Variants in DRC7 observed in about 807,000 individuals in gnomAD.
The protein encoded by DRC7 is dynein regulatory complex subunit 7.
In DRC7, 80 loss-of-function variants were observed where a neutral mutation model predicts 104.4. The observed-to-expected ratio is 0.77, with a 90% CI of 0.64 to 0.92. The LOEUF is 0.92. DRC7 is among the 40% of genes least tolerant of loss of function. DRC7 has a pLI of 0.00. For missense variants in DRC7, 1,034 were observed against 1,141.1 expected (o/e 0.91, Z 1.35); for synonymous variants, 405 against 447.3 (o/e 0.91, Z 1.19).
intron 7 of DRC7, among the ~76,000 whole-genome samples, chr16:57,706,468 ATCCTCCCATCCATCCG>A (rs2048729528): frequency 2.6e-5 from 3 of 117,518 alleles, no homozygotes; most frequent in Admixed American, 8.8e-5. Context: ...CCATCCATCC[ATCCTCCCATCCATCCG>A]TCCTCTCATC....
intron 1 of DRC7, among the ~76,000 whole-genome samples, chr16:57,695,814 G>C (rs2048587152): frequency 6.6e-6 from 1 of 152,224 alleles, no homozygotes; most frequent in Non-Finnish European, 1.5e-5. Flanking sequence ...GTGACCCAAG[G>C]GTCCAGCAGG....
intron 11 of DRC7, 48 bp from the exon 12 acceptor site, chr16:57,722,954 G>A: frequency 6.2e-7 from 1 of 1,613,410 alleles, no homozygotes; most frequent in Admixed American, 1.7e-5. Context: ...GGGGGTTGAA[G>A]GCTAGGGGAG....
chr16:57,701,956 G>A lies in DRC7; in HGVS notation c.525G>A (p.Ser175=), dbSNP rs116262472. The A allele has an allele frequency of 3.3e-4, 534 of 1,614,034 alleles. 2 individuals are homozygous for A. The Middle Eastern group carries it at 5.3e-3, about 16-fold the overall frequency. ...PLKPPSHLYS[S]TTVLKYQKGN... is the part of the protein sequence containing the mutation. ...ACCAGCCCTCGCACCTGTACTCCTC[G>A]ACCACTGTGCTCAAGTACCAGAAGG... is the stretch of plus-strand genomic sequence containing the variant. The change falls in exon 6 of 19, where the codon TCG becomes TCA. Residue 175 remains serine, a synonymous_variant. Transcript: ENST00000360716.
chr16:57,703,032 T>A (rs56054101), intron 6 of DRC7, among the ~76,000 whole-genome samples: 24,866 of 151,168 alleles, frequency 0.16, 2,143 homozygotes, highest in East Asian at 0.28. Context: ...TACAGGCGAG[T>A]ACCACCACGG....
chr16:57,726,038 G>C (rs1597811706), intron 13 of DRC7, 30 bp from the exon 14 acceptor site: 2 of 1,590,832 alleles, frequency 1.3e-6, no homozygotes, highest in African/African-American at 1.3e-5. Context: ...CTCATCCTTT[G>C]CTCATCCTTT....
intron 1 of DRC7, among the ~76,000 whole-genome samples, chr16:57,695,796 C>T (rs78115055): frequency 1.3e-5 from 2 of 152,194 alleles, no homozygotes; most frequent in Non-Finnish European, 2.9e-5. Flanking sequence ...CACAGAAAGG[C>T]GCAGACAGTG....
At chr16:57,706,134 TCCCATCTTCCCATCCA>T (rs1167056085) in intron 7 of DRC7, among the ~76,000 whole-genome samples, 22 of 125,652 alleles carry the variant, frequency 1.8e-4, no homozygotes, top group African/African-American at 3.4e-4. Context: ...CCATCCATTC[TCCCATCTTCCCATCCA>T]CCCATCTTCC....
chr16:57,724,008 T>C (rs1314017142), intron 12 of DRC7, among the ~76,000 whole-genome samples: 2 of 151,950 alleles, frequency 1.3e-5, no homozygotes, highest in African/African-American at 4.8e-5. Context: ...TTGGGCAAAA[T>C]ATTGATAATG....
Position 57,700,264 on chromosome 16 carries a change from C to G in DRC7, c.498C>G (p.Leu166=). Residue 166 remains leucine, a synonymous_variant, in exon 5 of 19, where the codon CTC becomes CTG. Coordinates refer to ENST00000360716, the MANE Select transcript of DRC7 (RefSeq NM_001289162.2). Reference sequence around the variant, plus strand: ...CCATGGTGCCCCTGCCTGACCCTCTCAAGCCGGTAAGCACCACTCACAGGC... The same window carrying G: ...CCATGGTGCCCCTGCCTGACCCTCTGAAGCCGGTAAGCACCACTCACAGGC... The part of the protein sequence containing the change: ...FLTMVPLPDP[L]KPPSHLYSST... 1 of 1,610,620 alleles carries G rather than the reference C, an allele frequency of 6.2e-7. No individual in the cohort carries two copies. Among genetic ancestry groups the G allele is most frequent in the Non-Finnish European group, 8.5e-7 (1 of 1,178,764 alleles).
chr16:57,705,260 A>T (rs2048700282), intron 7 of DRC7, among the ~76,000 whole-genome samples: 1 of 152,034 alleles, frequency 6.6e-6, no homozygotes, highest in South Asian at 2.1e-4. Context: ...TGCCTGGGGC[A>T]GCCCATTCTA....
In DRC7 at chr16:57,731,278, G is replaced by A. The variant is rs751083777; in HGVS notation, c.*20G>A. On this transcript the variant is annotated 3_prime_UTR_variant, in exon 19 of 19. Coordinates refer to ENST00000360716, the MANE Select transcript of DRC7 (RefSeq NM_001289162.2). ...GCTTGATGTCCCTCCTGGGGCCTCA[G>A]CCAGAGCTGCCAGAGAAAGGAAACC... is the stretch of plus-strand genomic sequence containing the variant. The A allele has an allele frequency of 3.2e-6, 5 of 1,583,252 alleles. No homozygotes were observed. Among genetic ancestry groups the A allele is most frequent in the Admixed American group, 1.7e-5 (1 of 59,802 alleles).
At chr16:57,702,188 C>T (rs2048667507) in intron 6 of DRC7, 58 bp downstream of exon 6, 23 of 1,574,298 alleles carry the variant, frequency 1.5e-5, no homozygotes, top group African/African-American at 5.4e-5. Flanking sequence ...CCGGTGCTGT[C>T]GTGCCATCCT....
At position 57,726,155 on chromosome 16, in the gene DRC7, A is replaced by C. The variant is rs1170895453; in HGVS notation, c.1846A>C (p.Ile616Leu). 2 of 1,613,014 alleles carry C rather than the reference A, an allele frequency of 1.2e-6. No homozygotes were observed. ...ERVFLVAEER[I>L]QLRYHCREDH... The stretch of plus-strand genomic sequence containing the variant: ...CGTGTTTCTGGTCGCGGAGGAGCGC[A>C]TCCAGCTGCGCTACCACTGCCGTGA... The change falls in exon 14 of 19, where the codon ATC becomes CTC. Residue 616 changes from isoleucine (I) to leucine (L), a missense_variant. Coordinates refer to ENST00000360716, the MANE Select transcript of DRC7 (RefSeq NM_001289162.2).
chr16:57,706,215 CCCAT>C (rs1469953911), intron 7 of DRC7, among the ~76,000 whole-genome samples: 3 of 144,656 alleles, frequency 2.1e-5, no homozygotes, highest in Admixed American at 2.1e-4. Flanking sequence ...CACCCATCCT[CCCAT>C]CCATCCATCC....
intron 8 of DRC7, among the ~76,000 whole-genome samples, chr16:57,715,829 T>A (rs751913182): frequency 1.3e-5 from 2 of 152,080 alleles, no homozygotes; most frequent in Non-Finnish European, 2.9e-5. Flanking sequence ...CTTCAGCCCC[T>A]CTTCCAGCCT....
intron 12 of DRC7, 34 bp downstream of exon 12, chr16:57,723,164 G>A (rs769681818): frequency 6.2e-7 from 1 of 1,607,774 alleles, no homozygotes; most frequent in African/African-American, 1.3e-5. Context: ...CCACCCAGGA[G>A]CCTGGGGTAG....
At chr16:57,723,323 C>G (rs1458533594) in intron 12 of DRC7, among the ~76,000 whole-genome samples, 193 bp downstream of exon 12, 1 of 152,172 alleles carries the variant, frequency 6.6e-6, no homozygotes, top group African/African-American at 2.4e-5. Context: ...CTCAGAAATT[C>G]TAAGGAAATA....
rs1302384158 is a variant in DRC7, at chr16:57,726,138, T to C, written c.1829T>C (p.Leu610Pro). 3.1e-6 allele frequency: 5 copies of C among 1,613,216 alleles called. No individual in the cohort carries two copies. Among genetic ancestry groups the C allele is most frequent in the Admixed American group, 1.7e-5 (1 of 60,020 alleles). ...AEEDVAERVF[L>P]VAEERIQLRY... Reference sequence around the variant, plus strand: ...GAGGACGTGGCAGAGCGCGTGTTTCTGGTCGCGGAGGAGCGCATCCAGCTG... The same window carrying C: ...GAGGACGTGGCAGAGCGCGTGTTTCCGGTCGCGGAGGAGCGCATCCAGCTG... Residue 610 changes from leucine (L) to proline (P), a missense_variant, in exon 14 of 19, where the codon CTG (leucine) becomes CCG (proline). Physicochemically the swap from Leu to Pro is moderately conservative, Grantham distance 98. Transcript: ENST00000360716.
At chr16:57,722,921 G>A in intron 11 of DRC7, 80 bp downstream of exon 11, 2 of 1,612,500 alleles carry the variant, frequency 1.2e-6, no homozygotes, top group South Asian at 2.2e-5. Context: ...GGTCATTGCT[G>A]GCCTCTGTGT....
Sources: allele counts gnomAD v4.1 joint callset (sites outside exome capture counted in the v4.1 genomes callset), GRCh38; gene constraint gnomAD v4.1.1; transcripts MANE v1.5; gene names NCBI Gene and HGNC (gene_info 2026-07-23, HGNC 2026-07-21).